Variants in LAPTM4B observed in about 807,000 individuals in gnomAD.
LAPTM4B encodes the protein lysosomal protein transmembrane 4 beta.
A neutral mutation model predicts 28.5 loss-of-function variants in LAPTM4B; 26 were observed. The ratio of observed to expected loss-of-function variants is 0.91; its 90% CI spans 0.67 to 1.27. The LOEUF (loss-of-function observed/expected upper bound fraction) is 1.27, where lower values mean the gene tolerates loss of function less well. Among genes scored for constraint, LAPTM4B ranks in the 50% most tolerant of loss-of-function variants. The pLI is 0.00. For synonymous variants in LAPTM4B, 109 were observed against 106.4 expected (o/e 1.02, Z -0.15); for missense variants, 288 against 285.8 (o/e 1.01, Z -0.06).
chr8:97,840,281 C>A (rs1817325459), intron 6 of LAPTM4B, among the ~76,000 whole-genome samples: 1 of 152,156 alleles, frequency 6.6e-6, no homozygotes, highest in African/African-American at 2.4e-5. Context: ...TTTTTGGACC[C>A]AACTGAAAAT....
chr8:97,829,460 A>G (rs1033574586), intron 6 of LAPTM4B, among the ~76,000 whole-genome samples: 1 of 152,110 alleles, frequency 6.6e-6, no homozygotes, highest in Non-Finnish European at 1.5e-5. Flanking sequence ...GGAGGTGAAG[A>G]GTAAAGGAAC....
intron 6 of LAPTM4B, among the ~76,000 whole-genome samples, chr8:97,831,420 G>A (rs140362703): frequency 2.5e-4 from 38 of 152,290 alleles, no homozygotes; most frequent in African/African-American, 8.7e-4. Flanking sequence ...GTAAATCCTC[G>A]GGCTTGGTGT....
intron 2 of LAPTM4B, among the ~76,000 whole-genome samples, chr8:97,808,381 G>C (rs538835708): frequency 6.6e-6 from 1 of 151,766 alleles, no homozygotes; most frequent in Non-Finnish European, 1.5e-5. Context: ...TGGGAGGGGG[G>C]AGTTTGCAGT....
intron 6 of LAPTM4B, among the ~76,000 whole-genome samples, chr8:97,849,488 C>T (rs1817484156): frequency 6.6e-6 from 1 of 152,220 alleles, no homozygotes; most frequent in African/African-American, 2.4e-5. Flanking sequence ...TACTCCATTC[C>T]TTTTCCACGT....
At chr8:97,833,100 G>A (rs940689675) in intron 6 of LAPTM4B, among the ~76,000 whole-genome samples, 6 of 151,808 alleles carry the variant, frequency 4.0e-5, no homozygotes, top group African/African-American at 1.2e-4. Context: ...TCGGGAGGCC[G>A]AGGTGGGTGG....
At chr8:97,831,670 TGGAAA>T (rs1817184360) in intron 6 of LAPTM4B, among the ~76,000 whole-genome samples, 1 of 152,130 alleles carries the variant, frequency 6.6e-6, no homozygotes, top group African/African-American at 2.4e-5. Context: ...TGCCTTGAGT[TGGAAA>T]GGACTGGTAG....
chr8:97,811,580 C>T (rs1325020720), intron 2 of LAPTM4B, among the ~76,000 whole-genome samples: 1 of 152,176 alleles, frequency 6.6e-6, no homozygotes, highest in Non-Finnish European at 1.5e-5. Context: ...GGAGGGCCGC[C>T]TTTCCTGATG....
intron 2 of LAPTM4B, among the ~76,000 whole-genome samples, chr8:97,805,798 A>G (rs1816749867): frequency 1.3e-5 from 2 of 152,068 alleles, no homozygotes; most frequent in Non-Finnish European, 2.9e-5. Context: ...TGTGTCTTCT[A>G]TTATGTTTCA....
intron 1 of LAPTM4B, among the ~76,000 whole-genome samples, chr8:97,784,747 A>G (rs1816375630): frequency 6.6e-6 from 1 of 152,182 alleles, no homozygotes; most frequent in African/African-American, 2.4e-5. Context: ...CAATGAAAGC[A>G]GTTTTTAAGT....
intron 6 of LAPTM4B, among the ~76,000 whole-genome samples, chr8:97,830,188 G>A (rs967132014): frequency 7.2e-5 from 11 of 152,120 alleles, no homozygotes; most frequent in African/African-American, 1.7e-4. Context: ...GATTAGAGAC[G>A]GTGAGGAGAG....
chr8:97,843,625 C>T (rs1261877782), intron 6 of LAPTM4B, among the ~76,000 whole-genome samples: 1 of 151,764 alleles, frequency 6.6e-6, no homozygotes, highest in Admixed American at 6.6e-5. Context: ...ACTAGAAATA[C>T]AAAAATTAGC....
intron 1 of LAPTM4B, 111 bp from the exon 2 acceptor site, chr8:97,805,242 G>T (rs899949165): frequency 6.3e-6 from 4 of 635,708 alleles, no homozygotes; most frequent in South Asian, 2.0e-5. Flanking sequence ...AGCCACTGAA[G>T]AAGTTGCCTG....
At chr8:97,788,970 A>C (rs1026021504) in intron 1 of LAPTM4B, among the ~76,000 whole-genome samples, 2 of 151,822 alleles carry the variant, frequency 1.3e-5, no homozygotes, top group African/African-American at 2.4e-5. Context: ...CTGGGTTTAC[A>C]GGCGTGAGCT....
At chr8:97,798,572 G>A (rs909477000) in intron 1 of LAPTM4B, among the ~76,000 whole-genome samples, 2 of 152,134 alleles carry the variant, frequency 1.3e-5, no homozygotes, top group South Asian at 4.1e-4. Flanking sequence ...CCGAGAGAAA[G>A]AACACAGGGC....
At chr8:97,786,920 TAGA>T (rs1411454246) in intron 1 of LAPTM4B, among the ~76,000 whole-genome samples, 3 of 152,012 alleles carry the variant, frequency 2.0e-5, no homozygotes, top group African/African-American at 7.3e-5. Context: ...TGCAGGAAGG[TAGA>T]AGTTTATTTC....
intron 5 of LAPTM4B, among the ~76,000 whole-genome samples, chr8:97,822,451 C>T (rs908239605): frequency 4.0e-5 from 6 of 151,892 alleles, no homozygotes; most frequent in Admixed American, 3.3e-4. Flanking sequence ...AACATTTTCA[C>T]TTGTACTTAT....
At chr8:97,806,727 C>T (rs1397289044) in intron 2 of LAPTM4B, among the ~76,000 whole-genome samples, 1 of 152,136 alleles carries the variant, frequency 6.6e-6, no homozygotes, top group Non-Finnish European at 1.5e-5. Flanking sequence ...GAGGCCGAGG[C>T]TGGCAGATCA....
intron 6 of LAPTM4B, among the ~76,000 whole-genome samples, chr8:97,844,362 G>T (rs34612662): frequency 0.17 from 25,788 of 152,126 alleles, 2,300 homozygotes; most frequent in East Asian, 0.23. Context: ...CTCCCAAAGT[G>T]CTGGGATTAC....
intron 1 of LAPTM4B, among the ~76,000 whole-genome samples, chr8:97,793,603 C>T (rs1816538523): frequency 6.6e-6 from 1 of 152,152 alleles, no homozygotes; most frequent in South Asian, 2.1e-4. Context: ...TAGGATTTGA[C>T]ACTTCAGCGA....
Sources: gnomAD v4.1 joint callset for allele counts (sites outside exome capture counted in the v4.1 genomes callset) on GRCh38, gnomAD v4.1.1 for gene constraint, MANE v1.5 for transcripts, NCBI Gene and HGNC (gene_info 2026-07-23, HGNC 2026-07-21) for gene names.